OR4N2: variants seen among roughly 807,000 people sequenced by gnomAD.
OR4N2 encodes olfactory receptor family 4 subfamily N member 2, also known as olfactory receptor 4N2.
For missense variants in OR4N2, 307 were observed against 377.6 expected (o/e 0.81, Z 1.55); for synonymous variants, 141 against 140.4 (o/e 1.00, Z -0.03).
In OR4N2 at chr14:19,817,651, C is replaced by A. The variant is rs564440064; in HGVS notation, c.-9-9789C>A. ...TTCAAAAAACCAGCTCCTGGATTCA[C>A]TGATTTTTTGAAGGGTTTTTTGTGT... On this transcript the variant is annotated intron_variant, in intron 1 of 1. Transcript: ENST00000557677. 2.6e-5 allele frequency among the ~76,000 whole-genome samples: 4 copies of A among 152,220 alleles called. No homozygotes were observed. The East Asian group carries it at 5.8e-4, about 22-fold the overall frequency.
At chr14:19,819,880 C>A (rs1879520442) in intron 1 of OR4N2, among the ~76,000 whole-genome samples, 1 of 152,236 alleles carries the variant, frequency 6.6e-6, no homozygotes, top group African/African-American at 2.4e-5. Context: ...GGTGGACATC[C>A]TTTTTGTTGA....
At position 19,828,688 on chromosome 14, in the gene OR4N2, T is replaced by C. The variant is rs1278862451; in HGVS notation, c.*316T>C. ...TTGGGAGTAACCAATTTGTGTTTAATAATCAAAAAAGACCTTGAAGAGCTG... is the reference window on the plus strand; with the variant it reads ...TTGGGAGTAACCAATTTGTGTTTAACAATCAAAAAAGACCTTGAAGAGCTG... On this transcript the variant is annotated 3_prime_UTR_variant, in exon 2 of 2. Coordinates refer to ENST00000557677, the MANE Select transcript of OR4N2 (RefSeq NM_001004723.3). 1 of 259,786 alleles carries C rather than the reference T, an allele frequency of 3.8e-6. No individual in the cohort carries two copies. Among genetic ancestry groups the C allele is most frequent in the Non-Finnish European group, 7.4e-6 (1 of 134,986 alleles). 16.1% of individuals were successfully genotyped at this position (259,786 alleles called of 1,614,324 possible).
chr14:19,820,137 G>A (rs1488448882), intron 1 of OR4N2, among the ~76,000 whole-genome samples: 1 of 152,268 alleles, frequency 6.6e-6, no homozygotes, highest in African/African-American at 2.4e-5. Context: ...CTGCTAGGAG[G>A]TGTCTCCCAG....
At position 19,823,065 on chromosome 14, in the gene OR4N2, T is replaced by C. The variant is rs577271263; in HGVS notation, c.-9-4375T>C. 2.5e-4 allele frequency among the ~76,000 whole-genome samples: 38 copies of C among 152,390 alleles called. No homozygotes were observed. In the East Asian group the frequency reaches 6.7e-3, roughly 27 times the overall value. On this transcript the variant is annotated intron_variant, in intron 1 of 1. Transcript: ENST00000557677. The stretch of plus-strand genomic sequence containing the variant: ...AATAAATTTTCTGGCTAAGAATCTA[T>C]ACATTTGTTTAGTGCTTTATATACT...
intron 1 of OR4N2, among the ~76,000 whole-genome samples, chr14:19,827,008 G>T (rs1158007446): frequency 1.3e-5 from 2 of 152,234 alleles, no homozygotes; most frequent in Non-Finnish European, 2.9e-5. Context: ...AAATTTTGGG[G>T]TGGTGTGGAC....
At chr14:19,804,666 A>G (rs1879119991) in intron 1 of OR4N2, among the ~76,000 whole-genome samples, 1 of 152,228 alleles carries the variant, frequency 6.6e-6, no homozygotes. Context: ...AGAAGAATGT[A>G]TATTCTAATG....
Position 19,828,203 on chromosome 14 carries a change from G to C in OR4N2, c.755G>C (p.Gly252Ala). The C allele has an allele frequency of 6.2e-7, 1 of 1,613,858 alleles. No homozygotes were observed. The highest frequency in any genetic ancestry group is 8.5e-7 in the Non-Finnish European group (1 of 1,179,940). The change falls in exon 2 of 2, where the codon GGA becomes GCA. Residue 252 changes from glycine (G) to alanine (A), a missense_variant. Coordinates refer to ENST00000557677, the MANE Select transcript of OR4N2 (RefSeq NM_001004723.3). The part of the protein sequence containing the change: ...THIIVIFFMF[G>A]PGIFIYTRPF... ...ATCATTGTTATATTCTTCATGTTTG[G>C]ACCTGGCATCTTCATCTACACGCGC...
chr14:19,817,783 G>A (rs1322499108), intron 1 of OR4N2, among the ~76,000 whole-genome samples: 1 of 152,212 alleles, frequency 6.6e-6, no homozygotes, highest in African/African-American at 2.4e-5. Context: ...TAATGTTAGG[G>A]TGTCAATTTT....
intron 1 of OR4N2, among the ~76,000 whole-genome samples, chr14:19,813,974 C>G (rs1451512676): frequency 3.4e-5 from 5 of 148,584 alleles, no homozygotes; most frequent in Non-Finnish European, 7.4e-5. Context: ...TTTCTTCTTT[C>G]TTTCCTTTTT....
At chr14:19,811,186 T>C (rs1879285808) in intron 1 of OR4N2, among the ~76,000 whole-genome samples, 1 of 152,268 alleles carries the variant, frequency 6.6e-6, no homozygotes, top group African/African-American at 2.4e-5. Context: ...GGATTTTGCA[T>C]TGCAAGGATT....
intron 1 of OR4N2, among the ~76,000 whole-genome samples, chr14:19,823,326 A>T (rs144408553): frequency 1.5e-3 from 233 of 152,310 alleles, no homozygotes; most frequent in African/African-American, 5.3e-3. Context: ...AAGGTGAATC[A>T]TCTCATTTTT....
intron 1 of OR4N2, among the ~76,000 whole-genome samples, chr14:19,827,162 G>A (rs767641149): frequency 3.3e-5 from 5 of 152,358 alleles, no homozygotes; most frequent in South Asian, 2.1e-4. Flanking sequence ...GAATCCCAAC[G>A]TGGAGGATAC....
chr14:19,808,609 A>G (rs1385717109), intron 1 of OR4N2, among the ~76,000 whole-genome samples: 3 of 152,216 alleles, frequency 2.0e-5, no homozygotes, highest in Admixed American at 2.0e-4. Context: ...CCATACTAAT[A>G]GATTACAAGA....
At chr14:19,824,191 A>AT (rs376911103) in intron 1 of OR4N2, among the ~76,000 whole-genome samples, 8,812 of 148,470 alleles carry the variant, frequency 0.059, 27 homozygotes, top group Middle Eastern at 0.083. Context: ...TCATATATGG[A>AT]TTTTTTTTTT....
rs367969252 is a variant in OR4N2 at position 19,827,904 on chromosome 14, T to C, written c.456T>C (p.Gly152=). The part of the protein sequence containing the change: ...YAMMLALWLG[G]FVHSIIQVVL... ...TGATGTTGGCTCTGTGGCTTGGGGG[T>C]TTTGTCCACTCCATTATCCAGGTGG... is the stretch of plus-strand genomic sequence containing the variant. The change falls in exon 2 of 2, where the codon GGT becomes GGC. Residue 152 remains glycine (G), a synonymous_variant. Transcript: ENST00000557677. 6.2e-7 allele frequency: 1 copy of C among 1,606,224 alleles called. No homozygotes were observed. The highest frequency in any genetic ancestry group is 8.5e-7 in the Non-Finnish European group (1 of 1,177,066).
chr14:19,821,648 C>T (rs753218911), intron 1 of OR4N2, among the ~76,000 whole-genome samples: 10 of 152,288 alleles, frequency 6.6e-5, no homozygotes, highest in South Asian at 2.1e-4. Context: ...GTCTTTCTCA[C>T]GATAGAATTT....
intron 1 of OR4N2, among the ~76,000 whole-genome samples, chr14:19,809,593 CT>C (rs1278164971): frequency 6.6e-6 from 1 of 152,078 alleles, no homozygotes; most frequent in East Asian, 1.9e-4. Flanking sequence ...ATTACCCAAC[CT>C]CAAACTATAC....
intron 1 of OR4N2, among the ~76,000 whole-genome samples, chr14:19,809,331 T>C (rs1879240721): frequency 6.6e-6 from 1 of 152,154 alleles, no homozygotes; most frequent in South Asian, 2.1e-4. Flanking sequence ...CAAAGGTAAT[T>C]GCAACAAAAA....
intron 1 of OR4N2, among the ~76,000 whole-genome samples, chr14:19,813,021 C>T (rs558309204): frequency 6.6e-6 from 1 of 152,242 alleles, no homozygotes; most frequent in Admixed American, 6.5e-5. Flanking sequence ...TAAAACTTTC[C>T]TAGAAGGGTT....
Sources: allele counts gnomAD v4.1 joint callset (sites outside exome capture counted in the v4.1 genomes callset), GRCh38; gene constraint gnomAD v4.1.1; transcripts MANE v1.5; gene names NCBI Gene and HGNC (gene_info 2026-07-23, HGNC 2026-07-21).